ZNF385D: variants seen among roughly 807,000 people sequenced by gnomAD.
ZNF385D encodes the protein zinc finger protein 659.
Under a neutral mutation model 35.8 loss-of-function variants are expected in ZNF385D, and 15 were observed. The ratio of observed to expected loss-of-function variants is 0.42; its 90% CI spans 0.28 to 0.64. The LOEUF (loss-of-function observed/expected upper bound fraction) is 0.64, where lower values mean the gene tolerates loss of function less well. Among genes scored for constraint, ZNF385D ranks in the 30% least tolerant of loss-of-function variants. ZNF385D has a pLI of 0.23. For synonymous variants in ZNF385D, 212 were observed against 186.8 expected (o/e 1.13, Z -1.10); for missense variants, 474 against 494.6 (o/e 0.96, Z 0.39).
intron 3 of ZNF385D, among the ~76,000 whole-genome samples, chr3:21,523,026 T>G (rs1708014709): frequency 6.6e-6 from 1 of 152,192 alleles, no homozygotes; most frequent in South Asian, 2.1e-4. Context: ...CATAAATGTA[T>G]TAAGGAGATG....
intron 2 of ZNF385D, among the ~76,000 whole-genome samples, chr3:21,581,721 A>G (rs1559429012): frequency 6.6e-6 from 1 of 152,302 alleles, no homozygotes; most frequent in East Asian, 1.9e-4. Context: ...TAAATATCCA[A>G]AATAAAAACT....
rs74605626 is a variant in ZNF385D at position 21,631,094 on chromosome 3, T to TG, written c.165+33791dup. Among the ~76,000 whole-genome samples the TG allele has an allele frequency of 3.5e-4, 53 of 152,130 alleles. No homozygotes were observed. The East Asian group carries it at 9.5e-3, about 27-fold the overall frequency. ...TAAGGATTTGGAACATTACCCTGTG[T>TG]GGGCCTGGGTTTGCGGTTGTGGGGA... On this transcript the variant is annotated intron_variant, in intron 2 of 7. Coordinates refer to ENST00000281523, the MANE Select transcript of ZNF385D (RefSeq NM_024697.3).
intron 3 of ZNF385D, among the ~76,000 whole-genome samples, chr3:22,093,552 C>T (rs1010627300): frequency 2.8e-4 from 43 of 152,042 alleles, no homozygotes; most frequent in African/African-American, 9.2e-4. Context: ...ACTAGAGGTT[C>T]GAGGATTATG....
At chr3:22,290,802 G>A (rs1702262299) in intron 2 of ZNF385D, among the ~76,000 whole-genome samples, 1 of 151,606 alleles carries the variant, frequency 6.6e-6, no homozygotes, top group Non-Finnish European at 1.5e-5. Flanking sequence ...TGATGGAACA[G>A]GGAGAGTCAG....
intron 3 of ZNF385D, among the ~76,000 whole-genome samples, chr3:21,832,200 C>T (rs994085874): frequency 6.6e-6 from 1 of 151,894 alleles, no homozygotes; most frequent in Non-Finnish European, 1.5e-5. Flanking sequence ...ATTTGTTTTT[C>T]TTCACATCTA....
intron 3 of ZNF385D, among the ~76,000 whole-genome samples, chr3:22,006,828 A>G (rs894329312): frequency 2.6e-5 from 4 of 152,066 alleles, no homozygotes; most frequent in Non-Finnish European, 5.9e-5. Context: ...CAGGGACCAA[A>G]AAAGAGTGAT....
intron 2 of ZNF385D, among the ~76,000 whole-genome samples, chr3:22,354,724 G>A (rs1696070559): frequency 6.6e-6 from 1 of 151,970 alleles, no homozygotes; most frequent in Non-Finnish European, 1.5e-5. Context: ...CAATAACAGA[G>A]AACATCAGGA....
intron 4 of ZNF385D, among the ~76,000 whole-genome samples, chr3:21,460,260 C>T (rs1035365279): frequency 5.9e-5 from 9 of 151,996 alleles, no homozygotes; most frequent in East Asian, 1.9e-4. Flanking sequence ...GAATGACTAA[C>T]GTAAATTTGA....
At chr3:22,012,821 A>T (rs259448) in intron 3 of ZNF385D, among the ~76,000 whole-genome samples, 152,212 of 152,218 alleles carry the variant, frequency 1, 76,103 homozygotes, top group Middle Eastern at 1. Flanking sequence ...TCCTGTCTAA[A>T]TTTAAGTACT....
chr3:21,963,101 C>G (rs2125322799), intron 3 of ZNF385D, among the ~76,000 whole-genome samples: 1 of 152,302 alleles, frequency 6.6e-6, no homozygotes, highest in African/African-American at 2.4e-5. Flanking sequence ...CTTAATGACC[C>G]TTTCCCAAGA....
intron 2 of ZNF385D, among the ~76,000 whole-genome samples, chr3:22,348,485 T>TA (rs1168729541): frequency 0.13 from 10,611 of 84,816 alleles, 850 homozygotes; most frequent in African/African-American, 0.21. Flanking sequence ...CCATCTCTAC[T>TA]AAAAAAAAAA....
intron 7 of ZNF385D, among the ~76,000 whole-genome samples, chr3:21,423,216 T>C (rs1358015166): frequency 6.6e-6 from 1 of 152,224 alleles, no homozygotes; most frequent in African/African-American, 2.4e-5. Context: ...CAGCTTGTAC[T>C]GGGGTCTCAT....
chr3:22,243,551 C>T (rs1216160450), intron 2 of ZNF385D, among the ~76,000 whole-genome samples: 1 of 150,790 alleles, frequency 6.6e-6, no homozygotes, highest in Non-Finnish European at 1.5e-5. Context: ...AAGTGGGGTA[C>T]ATTTAGAAAA....
intron 1 of ZNF385D, among the ~76,000 whole-genome samples, chr3:21,698,787 C>T (rs140752220): frequency 0.015 from 2,335 of 151,840 alleles, 46 homozygotes; most frequent in Non-Finnish European, 0.016. Context: ...AAAACCACAA[C>T]GAGATACCAT....
Position 22,165,607 on chromosome 3 carries a change from GCTTTCATAACT to G in ZNF385D, c.325+3199_325+3209del, listed in dbSNP as rs975148254. 8.9e-4 allele frequency among the ~76,000 whole-genome samples: 136 copies of G among 152,272 alleles called. 1 individual carries two copies. The highest frequency in any genetic ancestry group is 3.1e-3 in the African/African-American group (129 of 41,540). ...TTAGGGTTTGAAATAAATTAGGTTT[GCTTTCATAACT>G]CTGAGATTTAGTACAGGAATATAGC... On this transcript the variant is annotated intron_variant, in intron 3 of 5. Coordinates refer to the ZNF385D transcript ENST00000494108.
At chr3:22,263,993 G>T (rs1178420906) in intron 2 of ZNF385D, among the ~76,000 whole-genome samples, 1 of 151,886 alleles carries the variant, frequency 6.6e-6, no homozygotes, top group Non-Finnish European at 1.5e-5. Context: ...TTCTTTCCCT[G>T]CTTATTGTCT....
chr3:21,795,565 C>T (rs2072112843), intron 3 of ZNF385D, among the ~76,000 whole-genome samples: 1 of 152,130 alleles, frequency 6.6e-6, no homozygotes, highest in Admixed American at 6.5e-5. Context: ...AAATCCTTTC[C>T]CTTGGCTCCT....
intron 2 of ZNF385D, among the ~76,000 whole-genome samples, chr3:22,282,014 GT>G (rs1363003685): frequency 1.3e-5 from 2 of 151,914 alleles, no homozygotes; most frequent in Non-Finnish European, 2.9e-5. Flanking sequence ...CTTCCTCTAA[GT>G]TTTCTAGTTT....
intron 3 of ZNF385D, among the ~76,000 whole-genome samples, chr3:21,864,708 G>C (rs1056248011): frequency 6.6e-5 from 10 of 152,058 alleles, no homozygotes; most frequent in African/African-American, 2.4e-4. Flanking sequence ...TTTGCCTGAA[G>C]ATAACTACAA....
Sources: gnomAD v4.1 joint callset for allele counts (sites outside exome capture counted in the v4.1 genomes callset) on GRCh38, gnomAD v4.1.1 for gene constraint, MANE v1.5 for transcripts, NCBI Gene and HGNC (gene_info 2026-07-23, HGNC 2026-07-21) for gene names.